The following GLP1R variants were observed in gnomAD, a reference collection of about 807,000 sequenced individuals.
The protein encoded by GLP1R is glucagon like peptide 1 receptor.
A neutral mutation model predicts 68.4 loss-of-function variants in GLP1R; 32 were observed. That is an observed-to-expected ratio of 0.47 (90% CI 0.35 to 0.63). The LOEUF (loss-of-function observed/expected upper bound fraction) is 0.63. GLP1R is among the 20% of genes least tolerant of loss of function. The pLI is 0.00. For missense variants in GLP1R, 502 were observed against 594.9 expected (o/e 0.84, Z 1.62); for synonymous variants, 263 against 244.4 (o/e 1.08, Z -0.71).
chr6:39,055,004 C>G (rs1008937359), intron 1 of GLP1R, among the ~76,000 whole-genome samples: 3 of 152,196 alleles, frequency 2.0e-5, no homozygotes, highest in Non-Finnish European at 4.4e-5. Flanking sequence ...CCTTTGCCCT[C>G]AGAAGAGCTC....
At chr6:39,068,211 C>T (rs1267572292) in intron 5 of GLP1R, among the ~76,000 whole-genome samples, 1 of 152,216 alleles carries the variant, frequency 6.6e-6, no homozygotes, top group Non-Finnish European at 1.5e-5. Context: ...AACATTAAAT[C>T]TTAAAGCTTG....
intron 5 of GLP1R, among the ~76,000 whole-genome samples, chr6:39,072,114 G>A (rs1014144338): frequency 1.3e-5 from 2 of 152,158 alleles, no homozygotes; most frequent in African/African-American, 2.4e-5. Context: ...TGTCTTATTA[G>A]TTCTAATAAT....
At position 39,073,636 on chromosome 6, in the gene GLP1R, T is replaced by A; in HGVS notation, c.690T>A (p.Phe230Leu). 8.1e-6 allele frequency: 13 copies of A among 1,613,982 alleles called. No individual in the cohort carries two copies. The highest frequency in any genetic ancestry group is 1.1e-5 in the Non-Finnish European group (13 of 1,179,902). Residue 230 changes from phenylalanine to leucine, a missense_variant, in exon 7 of 13, where the codon TTT becomes TTA. By Grantham distance (22) the Phe-to-Leu change is conservative. Coordinates refer to ENST00000373256, the MANE Select transcript of GLP1R (RefSeq NM_002062.5). ...ACTCTCTGAGCTGCCGCCTGGTGTT[T>A]CTGCTCATGCAGTACTGTGTGGCGG... ...YQDSLSCRLV[F>L]LLMQYCVAAN...
rs1344505759 is a variant in GLP1R, at chr6:39,085,969, G to C, written c.1288G>C (p.Asp430His). The change falls in exon 13 of 13, where the codon GAC (aspartate) becomes CAC (histidine). Residue 430 changes from aspartate to histidine, a missense_variant. Physicochemically the swap from Asp to His is moderately conservative, Grantham distance 81 (BLOSUM62 -1). Coordinates refer to ENST00000373256, the MANE Select transcript of GLP1R (RefSeq NM_002062.5). Reference protein sequence around the residue: ...WRLEHLHIQRDSSMKPLKCPT... With the variant: ...WRLEHLHIQRHSSMKPLKCPT... ...GCTTGAGCACTTGCACATCCAGAGG[G>C]ACAGCAGCATGAAGCCCCTCAAGTG... 1.9e-6 allele frequency: 3 copies of C among 1,613,896 alleles called. No individual in the cohort carries two copies. Among genetic ancestry groups the C allele is most frequent in the Non-Finnish European group, 2.5e-6 (3 of 1,179,940 alleles).
chr6:39,076,839 C>A (rs189955287), intron 7 of GLP1R, among the ~76,000 whole-genome samples: 2 of 152,168 alleles, frequency 1.3e-5, no homozygotes, highest in East Asian at 3.9e-4. Flanking sequence ...GGATTGCAGC[C>A]CTGAATTCGA....
At chr6:39,072,074 C>A (rs542371758) in intron 5 of GLP1R, among the ~76,000 whole-genome samples, 50 of 152,300 alleles carry the variant, frequency 3.3e-4, no homozygotes, top group Non-Finnish European at 6.2e-4. Context: ...CAGGCATATA[C>A]AAACATACTT....
In GLP1R at chr6:39,078,359, C is replaced by A. The variant is rs772793425; in HGVS notation, c.861C>A (p.Val287=). 2 of 1,612,706 alleles carry A rather than the reference C, an allele frequency of 1.2e-6. No homozygotes were observed. Among genetic ancestry groups the A allele is most frequent in the Non-Finnish European group, 8.5e-7 (1 of 1,178,772 alleles). The part of the protein sequence containing the change: ...PLLFVVPWGI[V]KYLYEDEGCW... The stretch of plus-strand genomic sequence containing the variant: ...TGTTTGTTGTCCCCTGGGGCATTGT[C>A]AAGTACCTCTATGAGGACGAGGGGT... The change falls in exon 8 of 13, where the codon GTC becomes GTA. Residue 287 remains valine (V), a synonymous_variant. Coordinates refer to ENST00000373256, the MANE Select transcript of GLP1R (RefSeq NM_002062.5).
intron 4 of GLP1R, 106 bp downstream of exon 4, chr6:39,065,935 A>C: frequency 1.4e-6 from 1 of 709,008 alleles, no homozygotes. Context: ...TGGTCATTTC[A>C]TCCATCTCCT....
At chr6:39,081,493 A>G (rs1203483745) in intron 12 of GLP1R, among the ~76,000 whole-genome samples, 1 of 152,130 alleles carries the variant, frequency 6.6e-6, no homozygotes, top group African/African-American at 2.4e-5. Flanking sequence ...CCTCCCTCCC[A>G]TCCCTGAGAT....
rs949266576 is a variant in GLP1R at position 39,088,099 on chromosome 6, C to A, written c.*2026C>A. Among the ~76,000 whole-genome samples, 2 of 152,086 alleles carry A rather than the reference C, an allele frequency of 1.3e-5. No homozygotes were observed. The highest frequency in any genetic ancestry group is 2.9e-5 in the Non-Finnish European group (2 of 68,018). On this transcript the variant is annotated 3_prime_UTR_variant, in exon 13 of 13. Coordinates refer to ENST00000373256, the MANE Select transcript of GLP1R (RefSeq NM_002062.5). ...AGGGAAGAAGTTGCTTAGTTAGGCA[C>A]CTGGGAAGCTCAAATCATTTAGTTT... is the stretch of plus-strand genomic sequence containing the variant.
In GLP1R at chr6:39,089,628, ATGTGTGTGCATG is replaced by A. The variant is rs1769235085; in HGVS notation, c.*3569_*3580del. On this transcript the variant is annotated 3_prime_UTR_variant, in exon 13 of 13. Transcript: ENST00000373256. The surrounding 1 kb of genome is among the most constrained non-coding windows in gnomAD (Gnocchi z 4.1). Reference sequence around the variant, plus strand: ...ATTGCATGTGGGCGTGTGTGTGTGTATGTGTGTGCATGTGTGTGTGCATGTTTCTTCTGTGCA... The same window carrying A: ...ATTGCATGTGGGCGTGTGTGTGTGTATGTGTGTGCATGTTTCTTCTGTGCA... 1.3e-5 allele frequency among the ~76,000 whole-genome samples: 2 copies of A among 152,034 alleles called. No homozygotes were observed. Among genetic ancestry groups the A allele is most frequent in the East Asian group, 1.9e-4 (1 of 5,166 alleles).
intron 5 of GLP1R, among the ~76,000 whole-genome samples, chr6:39,071,219 G>A (rs1015762025): frequency 1.3e-4 from 19 of 151,736 alleles, no homozygotes; most frequent in Non-Finnish European, 2.6e-4. Context: ...GGTGGCACCC[G>A]CCTGTAATCC....
chr6:39,074,522 C>T (rs1470272117), intron 7 of GLP1R: 1 of 152,272 alleles, frequency 6.6e-6, no homozygotes, highest in East Asian at 1.9e-4. Context: ...AGAATAGGCC[C>T]TGCCCTCTGT....
At chr6:39,057,362 G>T in intron 2 of GLP1R, 110 bp from the exon 3 acceptor site, 1 of 702,816 alleles carries the variant, frequency 1.4e-6, no homozygotes, top group Non-Finnish European at 2.6e-6. Context: ...GCATTCAGCA[G>T]AGGTTAGTGG....
rs1368994971 is a variant in GLP1R at position 39,088,947 on chromosome 6, C to T, written c.*2874C>T. ...CCAGGACCCAGACAAGCCCTTTTCT[C>T]TCAGTCTAGTGAGGCCTCTGGGAAG... On this transcript the variant is annotated 3_prime_UTR_variant, in exon 13 of 13. Coordinates refer to ENST00000373256, the MANE Select transcript of GLP1R (RefSeq NM_002062.5). Among the ~76,000 whole-genome samples the T allele has an allele frequency of 6.6e-6, 1 of 152,154 alleles. No individual in the cohort carries two copies. Among genetic ancestry groups the T allele is most frequent in the Non-Finnish European group, 1.5e-5 (1 of 68,024 alleles).
In GLP1R at chr6:39,054,175, A is replaced by C. The variant is rs1194656369; in HGVS notation, c.79-2222A>C. 2.0e-5 allele frequency among the ~76,000 whole-genome samples: 3 copies of C among 152,036 alleles called. No homozygotes were observed. The East Asian group carries it at 5.8e-4, about 30-fold the overall frequency. On this transcript the variant is annotated intron_variant, in intron 1 of 12. Coordinates refer to ENST00000373256, the MANE Select transcript of GLP1R (RefSeq NM_002062.5). ...TGTTATGTCACTTGTCCTGTAAAGC[A>C]TTGACCCCCGAGTAGCCTGAAGACT...
rs559764780 is a variant in GLP1R at position 39,088,018 on chromosome 6, C to G, written c.*1945C>G. 6.6e-6 allele frequency among the ~76,000 whole-genome samples: 1 copy of G among 152,214 alleles called. No homozygotes were observed. The highest frequency in any genetic ancestry group is 1.9e-4 in the East Asian group (1 of 5,188). On this transcript the variant is annotated 3_prime_UTR_variant, in exon 13 of 13. Coordinates refer to ENST00000373256, the MANE Select transcript of GLP1R (RefSeq NM_002062.5). ...GAATCATTATTACATTACATAGCAA[C>G]AAAGAAACAGATTGATATAATCTGT...
At position 39,086,028 on chromosome 6, in the gene GLP1R, G is replaced by C; in HGVS notation, c.1347G>C (p.Ala449=). ...PTSSLSSGAT[A]GSSMYTATCQ... ...GCAGCCTGAGCAGTGGAGCCACGGC[G>C]GGCAGCAGCATGTACACAGCCACTT... The change falls in exon 13 of 13, where the codon GCG becomes GCC. Residue 449 remains alanine (A), a synonymous_variant. Transcript: ENST00000373256. The surrounding 1 kb of genome is among the most constrained non-coding windows in gnomAD (Gnocchi z 4.5). 1 of 1,614,014 alleles carries C rather than the reference G, an allele frequency of 6.2e-7. No individual in the cohort carries two copies. The highest frequency in any genetic ancestry group is 8.5e-7 in the Non-Finnish European group (1 of 1,179,950).
At position 39,056,422 on chromosome 6, in the gene GLP1R, C is replaced by T. The variant is rs148158586; in HGVS notation, c.104C>T (p.Thr35Met). ...GGTGCCACTGTGTCCCTCTGGGAGA[C>T]GGTGCAGAAATGGCGAGAATACCGA... ...PQGATVSLWE[T>M]VQKWREYRRQ... The change falls in exon 2 of 13, where the codon ACG becomes ATG. Residue 35 changes from threonine to methionine, a missense_variant. By Grantham distance (81) the Thr-to-Met change is moderately conservative. Transcript: ENST00000373256. The T allele has an allele frequency of 1.3e-5, 21 of 1,606,788 alleles. No homozygotes were observed. Among genetic ancestry groups the T allele is most frequent in the Admixed American group, 5.0e-5 (3 of 59,960 alleles).
Sources: gnomAD v4.1 joint callset for allele counts (sites outside exome capture counted in the v4.1 genomes callset) on GRCh38, gnomAD v4.1.1 for gene constraint, Gnocchi (gnomAD v3.1) non-coding constraint, MANE v1.5 for transcripts, NCBI Gene and HGNC (gene_info 2026-07-23, HGNC 2026-07-21) for gene names.